The following SYNE1 variants were observed in gnomAD, a reference collection of about 807,000 sequenced individuals.
The protein encoded by SYNE1 is spectrin repeat containing nuclear envelope protein 1.
SYNE1 carries 616 observed loss-of-function variants against 1,111.0 expected under a neutral mutation model. The ratio of observed to expected loss-of-function variants is 0.55; its 90% CI spans 0.52 to 0.59. The LOEUF (loss-of-function observed/expected upper bound fraction) is 0.59, where lower values mean the gene tolerates loss of function less well. Ranked by LOEUF, SYNE1 falls within the 20% of genes least tolerant of loss-of-function variation. The probability of loss-of-function intolerance (pLI) is 0.00; values close to 1 mark genes in which losing one functional copy is unlikely to be tolerated. For synonymous variants in SYNE1, 3,855 were observed against 3,825.8 expected, an observed-to-expected ratio of 1.01 and a Z score of -0.28; for missense variants, 10,006 against 10,417.0, an observed-to-expected ratio of 0.96 and a Z score of 1.72.
intron 10 of SYNE1, 70 bp from the exon 11 acceptor site, chr6:152,498,862 G>T (rs564598565): frequency 4.2e-6 from 4 of 946,204 alleles, no homozygotes; most frequent in Non-Finnish European, 5.9e-6. Context: ...TAGAAAACAA[G>T]AATAAAATCA....
intron 98 of SYNE1, among the ~76,000 whole-genome samples, chr6:152,273,194 C>T (rs139550593): frequency 6.6e-5 from 10 of 152,296 alleles, no homozygotes; most frequent in Non-Finnish European, 8.8e-5. Context: ...AAAGAATTCC[C>T]GTGGACCTGG....
intron 30 of SYNE1, 43 bp from the exon 31 acceptor site, chr6:152,442,288 TA>T: frequency 6.2e-7 from 1 of 1,608,268 alleles, no homozygotes. Flanking sequence ...TTGTGCTCTC[TA>T]AACAGCTAAG....
At chr6:152,584,178 G>C (rs2099529678) in intron 3 of SYNE1, among the ~76,000 whole-genome samples, 1 of 152,008 alleles carries the variant, frequency 6.6e-6, no homozygotes, top group Non-Finnish European at 1.5e-5. Flanking sequence ...TAGGGTTCTG[G>C]TGAGATTTAA....
rs918846830 is a variant in SYNE1 at position 152,607,816 on chromosome 6, A to G, written c.67+20449T>C. On this transcript the variant is annotated intron_variant, in intron 3 of 145. Coordinates refer to ENST00000367255, the MANE Select transcript of SYNE1 (RefSeq NM_182961.4). ...CATCAGTGATAGACTGGATAAAGAA[A>G]ATGTGGTACATATACACCATGGAAT... Among the ~76,000 whole-genome samples the G allele has an allele frequency of 1.2e-4, 18 of 152,354 alleles. 3 individuals are homozygous for G. Among genetic ancestry groups the G allele is most frequent in the Admixed American group, 8.5e-4 (13 of 15,302 alleles).
At chr6:152,447,313 C>T in intron 29 of SYNE1, 145 bp downstream of exon 29, 1 of 887,516 alleles carries the variant, frequency 1.1e-6, no homozygotes. Context: ...TCCCAACAAG[C>T]TTCATACAAA....
intron 91 of SYNE1, among the ~76,000 whole-genome samples, chr6:152,303,500 C>T (rs1481527868): frequency 6.6e-6 from 1 of 151,738 alleles, no homozygotes; most frequent in Non-Finnish European, 1.5e-5. Context: ...CATATATATA[C>T]ACACACATAT....
intron 140 of SYNE1, among the ~76,000 whole-genome samples, chr6:152,137,920 C>T (rs558705376): frequency 4.6e-4 from 70 of 152,140 alleles, no homozygotes; most frequent in African/African-American, 1.1e-3. Context: ...CTTGTCATGC[C>T]GGATGACTTT....
intron 133 of SYNE1, among the ~76,000 whole-genome samples, chr6:152,154,450 A>G (rs2060992399): frequency 1.2e-5 from 1 of 81,580 alleles, no homozygotes; most frequent in Non-Finnish European, 2.7e-5. Context: ...TCAAATACAC[A>G]CACACACACA....
At chr6:152,273,365 AT>A (rs1366146132) in intron 98 of SYNE1, among the ~76,000 whole-genome samples, 1 of 152,218 alleles carries the variant, frequency 6.6e-6, no homozygotes, top group Non-Finnish European at 1.5e-5. Context: ...AACTGCTGCA[AT>A]TTGAGCATTT....
chr6:152,554,216 A>T (rs1016602690), intron 3 of SYNE1, among the ~76,000 whole-genome samples: 1 of 152,208 alleles, frequency 6.6e-6, no homozygotes, highest in African/African-American at 2.4e-5. Flanking sequence ...CAGTCCCAGT[A>T]ACAATGAGAA....
chr6:152,381,779 T>G (rs142457287), intron 55 of SYNE1, among the ~76,000 whole-genome samples: 336 of 152,224 alleles, frequency 2.2e-3, no homozygotes, highest in South Asian at 5.0e-3. Flanking sequence ...TATACTCAAT[T>G]CATCTTCTTC....
At chr6:152,613,028 C>T (rs998168547) in intron 3 of SYNE1, among the ~76,000 whole-genome samples, 8 of 152,116 alleles carry the variant, frequency 5.3e-5, no homozygotes, top group African/African-American at 1.9e-4. Context: ...ATGACAAGCC[C>T]ACAGCCAATA....
In SYNE1 at chr6:152,347,236, C is replaced by G; in HGVS notation, c.11902-1G>C. On this transcript the variant is annotated splice_acceptor_variant, in intron 72 of 145. Transcript: ENST00000367255. LOFTEE classifies it high-confidence loss of function. ...AACCAGCAATTTCTTCCATCATTGCCTGCAAAAGTGAAACCAATACAGAGT... is the reference window on the plus strand; with the variant it reads ...AACCAGCAATTTCTTCCATCATTGCGTGCAAAAGTGAAACCAATACAGAGT... 6.2e-7 allele frequency: 1 copy of G among 1,614,170 alleles called. No individual in the cohort carries two copies. The highest frequency in any genetic ancestry group is 1.1e-5 in the South Asian group (1 of 91,082).
intron 80 of SYNE1, 145 bp from the exon 81 acceptor site, chr6:152,325,447 AC>A (rs1473992233): frequency 1.4e-6 from 1 of 730,636 alleles, no homozygotes; most frequent in East Asian, 2.7e-5. Flanking sequence ...AGGTACTCTT[AC>A]TTTTATGTTT....
chr6:152,313,587 C>T (rs890945135), intron 87 of SYNE1, among the ~76,000 whole-genome samples: 2 of 151,736 alleles, frequency 1.3e-5, no homozygotes, highest in Admixed American at 6.6e-5. Context: ...CTCAGCCATC[C>T]GAGCAGCTGG....
At chr6:152,630,786 T>C (rs1462049949) in intron 2 of SYNE1, among the ~76,000 whole-genome samples, 1 of 152,160 alleles carries the variant, frequency 6.6e-6, no homozygotes, top group Non-Finnish European at 1.5e-5. Flanking sequence ...AATCAAGAAT[T>C]ATGGAATTAA....
intron 127 of SYNE1, among the ~76,000 whole-genome samples, chr6:152,192,723 C>T (rs2813531): frequency 0.38 from 58,075 of 151,434 alleles, 11,152 homozygotes; most frequent in African/African-American, 0.44. Context: ...ATATATTTAT[C>T]TGGGTGGTCC....
intron 4 of SYNE1, among the ~76,000 whole-genome samples, chr6:152,533,250 T>C: frequency 6.6e-6 from 1 of 151,960 alleles, no homozygotes; most frequent in Non-Finnish European, 1.5e-5. Flanking sequence ...CTTCCCATTC[T>C]TTTTTGTTTC....
chr6:152,299,683 G>A (rs1474649460), intron 93 of SYNE1, among the ~76,000 whole-genome samples: 3 of 149,262 alleles, frequency 2.0e-5, no homozygotes, highest in African/African-American at 7.5e-5. Context: ...TCACCTTGAT[G>A]TTCCTTTTTT....
Sources: allele counts gnomAD v4.1 joint callset (sites outside exome capture counted in the v4.1 genomes callset), GRCh38; gene constraint gnomAD v4.1.1; transcripts MANE v1.5; gene names NCBI Gene and HGNC (gene_info 2026-07-23, HGNC 2026-07-21).